The following SSRP1 variants were observed in gnomAD, a reference collection of about 807,000 sequenced individuals.
SSRP1 encodes structure specific recognition protein 1, also known as FACT complex subunit SSRP1.
Under a neutral mutation model 84.4 loss-of-function variants are expected in SSRP1, and 21 were observed. The ratio of observed to expected loss-of-function variants is 0.25; its 90% CI spans 0.18 to 0.36. The LOEUF (loss-of-function observed/expected upper bound fraction) is 0.36, where lower values mean the gene tolerates loss of function less well. Among genes scored for constraint, SSRP1 ranks in the 10% least tolerant of loss-of-function variants. The pLI, the probability that SSRP1 is intolerant of heterozygous loss-of-function variation, is 1.00. For synonymous variants in SSRP1, 319 were observed against 318.3 expected (o/e 1.00, Z -0.02); for missense variants, 519 against 900.8 (o/e 0.58, Z 5.43).
chr11:57,331,401 A>T (rs1856087243), intron 9 of SSRP1, among the ~76,000 whole-genome samples: 1 of 152,182 alleles, frequency 6.6e-6, no homozygotes, highest in Non-Finnish European at 1.5e-5. Flanking sequence ...GTGGAGGAGA[A>T]AAAAGACCAG....
chr11:57,330,054 G>A lies in SSRP1; in HGVS notation c.1481+39C>T. 1 of 1,613,012 alleles carries A rather than the reference G, an allele frequency of 6.2e-7. No homozygotes were observed. Among genetic ancestry groups the A allele is most frequent in the East Asian group, 2.2e-5 (1 of 44,874 alleles). On this transcript the variant is annotated intron_variant, in intron 12 of 16. Transcript: ENST00000278412. This position sits in a 1 kb window ranked among gnomAD's most constrained non-coding sequence, Gnocchi z 4.0. ...ATCTTCTGGTCCCTTAAGCTTATGG[G>A]TCACCATCTTATCCCCACAAGGTAC...
At chr11:57,331,191 G>A (rs746932365) in intron 9 of SSRP1, among the ~76,000 whole-genome samples, 1 of 152,198 alleles carries the variant, frequency 6.6e-6, no homozygotes, top group Non-Finnish European at 1.5e-5. Context: ...TACAAAATAA[G>A]CTCAGAGGGG....
In SSRP1 at chr11:57,332,056, C is replaced by T; in HGVS notation, c.1001+96G>A. 1.3e-6 allele frequency: 2 copies of T among 1,589,596 alleles called. No homozygotes were observed. The highest frequency in any genetic ancestry group is 1.7e-6 in the Non-Finnish European group (2 of 1,168,906). ...GTGACACAAGGTCCCATCCAGGCCT[C>T]TAGGAGGCCGCATTCCCATCTCAGG... is the stretch of plus-strand genomic sequence containing the variant. On this transcript the variant is annotated intron_variant, in intron 8 of 16. Coordinates refer to ENST00000278412, the MANE Select transcript of SSRP1 (RefSeq NM_003146.3). This position sits in a 1 kb window ranked among gnomAD's most constrained non-coding sequence, Gnocchi z 5.5.
rs528134038 is a variant in SSRP1 at position 57,335,860 on chromosome 11, C to T, written c.-250G>A. On this transcript the variant is annotated 5_prime_UTR_variant, in exon 1 of 17. Transcript: ENST00000278412. This position sits in a 1 kb window ranked among gnomAD's most constrained non-coding sequence, Gnocchi z 4.6. Reference sequence around the variant, plus strand: ...TTCCCGCGTGCGCGGCCCCGCGTCCCGCCACCGGAAGCCGTACACAGGCCA... The same window carrying T: ...TTCCCGCGTGCGCGGCCCCGCGTCCTGCCACCGGAAGCCGTACACAGGCCA... 12 of 152,372 alleles carry T rather than the reference C, an allele frequency of 7.9e-5. No individual in the cohort carries two copies. The highest frequency in any genetic ancestry group is 2.9e-4 in the African/African-American group (12 of 41,550). 9.4% of individuals were successfully genotyped at this position (152,372 alleles called of 1,614,324 possible).
chr11:57,332,483 TG>T lies in SSRP1; in HGVS notation c.771del (p.Ser258AlafsTer16), dbSNP rs1053252057. On this transcript the variant is annotated frameshift_variant and splice_region_variant, in exon 7 of 17. Coordinates refer to ENST00000278412, the MANE Select transcript of SSRP1 (RefSeq NM_003146.3). LOFTEE classifies it high-confidence loss of function. The surrounding 1 kb of genome is among the most constrained non-coding windows in gnomAD (Gnocchi z 5.5). ...CCTTGCTTGATTGGGGGATCCAGGC[TG>T]ATCTAGTAAGGAAGAGTACTAATTG... Reference protein sequence around the residue: ...HKDQRQMFFVISLDPPIKQGQ... With the variant: ...HKDQRQMFFVXSLDPPIKQGQ... The T allele has an allele frequency of 6.2e-7, 1 of 1,613,912 alleles. No individual in the cohort carries two copies. Among genetic ancestry groups the T allele is most frequent in the Non-Finnish European group, 8.5e-7 (1 of 1,179,980 alleles).
At chr11:57,327,099 A>G (rs576898604) in intron 15 of SSRP1, 256 of 942,376 alleles carry the variant, frequency 2.7e-4, no homozygotes, top group Admixed American at 1.8e-3. Context: ...AAGCAGCCCA[A>G]TGTGCAAAAC....
chr11:57,335,496 C>A lies in SSRP1; in HGVS notation c.-120+234G>T. 1 of 312,196 alleles carries A rather than the reference C, an allele frequency of 3.2e-6. No individual in the cohort carries two copies. The highest frequency in any genetic ancestry group is 6.3e-6 in the Non-Finnish European group (1 of 157,702). 19.3% of individuals were successfully genotyped at this position (312,196 alleles called of 1,614,324 possible). ...GGAGCCATGGCAACGAGCAGCGGAACCCCAGGGTCTGCCAGGAGCCCGCAC... is the reference window on the plus strand; with the variant it reads ...GGAGCCATGGCAACGAGCAGCGGAAACCCAGGGTCTGCCAGGAGCCCGCAC... On this transcript the variant is annotated intron_variant, in intron 1 of 16. Transcript: ENST00000278412. The surrounding 1 kb of genome is among the most constrained non-coding windows in gnomAD (Gnocchi z 4.6).
Position 57,335,228 on chromosome 11 carries a change from G to T in SSRP1, c.-107C>A. 1 of 1,142,468 alleles carries T rather than the reference G, an allele frequency of 8.8e-7. No individual in the cohort carries two copies. The allele number at this position is 1,142,468 out of a possible 1,614,324, so 70.8% of individuals were successfully genotyped here. On this transcript the variant is annotated 5_prime_UTR_variant, in exon 2 of 17. It adds an upstream start codon to the 5' untranslated region. Coordinates refer to ENST00000278412, the MANE Select transcript of SSRP1 (RefSeq NM_003146.3). The surrounding 1 kb of genome is among the most constrained non-coding windows in gnomAD (Gnocchi z 4.6). ...TCCTGAGTGGGTGTGCGGATGCTCAGCAGGTTGGGAATCTGAATTCAAGAG... is the reference window on the plus strand; with the variant it reads ...TCCTGAGTGGGTGTGCGGATGCTCATCAGGTTGGGAATCTGAATTCAAGAG...
chr11:57,333,489 T>A lies in SSRP1; in HGVS notation c.292A>T (p.Met98Leu). The change falls in exon 4 of 17, where the codon ATG becomes TTG. Residue 98 changes from methionine (M) to leucine (L), a missense_variant. Met to Leu is a conservative substitution (Grantham distance 15). Coordinates refer to ENST00000278412, the MANE Select transcript of SSRP1 (RefSeq NM_003146.3). ...CCCTTCACACAAAGGTCCTTCTCCA[T>A]TAGCTCAAGGCGATAGTGAGTTTTG... is the stretch of plus-strand genomic sequence containing the variant. ...FFKTHYRLEL[M>L]EKDLCVKGWN... 6.2e-7 allele frequency: 1 copy of A among 1,614,018 alleles called. No homozygotes were observed. Among genetic ancestry groups the A allele is most frequent in the Non-Finnish European group, 8.5e-7 (1 of 1,180,028 alleles).
In SSRP1 at chr11:57,330,252, G is replaced by A. The variant is rs775103926; in HGVS notation, c.1435+39C>T. ...TCCAGCCCGGGCCACAGCGAGGAGC[G>A]TCTGACCATCCTCGTGCTCAGCACG... is the stretch of plus-strand genomic sequence containing the variant. On this transcript the variant is annotated intron_variant, in intron 11 of 16. Coordinates refer to ENST00000278412, the MANE Select transcript of SSRP1 (RefSeq NM_003146.3). The surrounding 1 kb of genome is among the most constrained non-coding windows in gnomAD (Gnocchi z 4.0). 9.9e-6 allele frequency: 16 copies of A among 1,614,030 alleles called. No individual in the cohort carries two copies. The highest frequency in any genetic ancestry group is 1.6e-4 in the Middle Eastern group (1 of 6,084).
At chr11:57,333,578 C>T (rs1856141550) in intron 3 of SSRP1, 38 bp from the exon 4 acceptor site, 3 of 1,490,968 alleles carry the variant, frequency 2.0e-6, no homozygotes, top group African/African-American at 2.8e-5. Flanking sequence ...CCCAGTAAAC[C>T]TTGGTGGCCT....
rs747926763 is a variant in SSRP1 at position 57,327,529 on chromosome 11, G to GA, written c.1783-16dup. The GA allele has an allele frequency of 6.8e-6, 11 of 1,613,046 alleles. No homozygotes were observed. Among genetic ancestry groups the GA allele is most frequent in the Admixed American group, 3.3e-5 (2 of 59,816 alleles). Reference sequence around the variant, plus strand: ...CGATCCCACTCCTGTCTCACACACAGAAAAAAACAGTTAAGAATAAGACCT... The same window carrying GA: ...CGATCCCACTCCTGTCTCACACACAGAAAAAAAACAGTTAAGAATAAGACCT... On this transcript the variant is annotated splice_polypyrimidine_tract_variant and intron_variant, in intron 14 of 16. Transcript: ENST00000278412.
At chr11:57,331,461 G>GT (rs1393685268) in intron 9 of SSRP1, among the ~76,000 whole-genome samples, 4 of 151,958 alleles carry the variant, frequency 2.6e-5, no homozygotes, top group Non-Finnish European at 2.9e-5. Context: ...TTTTTGTTTT[G>GT]TTTTGTTTTG....
chr11:57,335,209 G>A lies in SSRP1; in HGVS notation c.-88C>T, dbSNP rs1856187174. On this transcript the variant is annotated 5_prime_UTR_variant, in exon 2 of 17. Coordinates refer to ENST00000278412, the MANE Select transcript of SSRP1 (RefSeq NM_003146.3). The surrounding 1 kb of genome is among the most constrained non-coding windows in gnomAD (Gnocchi z 4.6). ...CTGGGAGCTGGGCCCCAACTCCTGA[G>A]TGGGTGTGCGGATGCTCAGCAGGTT... The A allele has an allele frequency of 3.7e-6, 5 of 1,367,864 alleles. No homozygotes were observed. Among genetic ancestry groups the A allele is most frequent in the East Asian group, 2.3e-5 (1 of 43,612 alleles). 84.7% of individuals were successfully genotyped at this position (1,367,864 alleles called of 1,614,324 possible).
At chr11:57,331,011 G>A (rs1856079283) in intron 9 of SSRP1, 84 bp from the exon 10 acceptor site, 7 of 1,490,820 alleles carry the variant, frequency 4.7e-6, no homozygotes, top group Non-Finnish European at 6.5e-6. Context: ...CCATGAGCTG[G>A]GGTAGACTGT....
rs1364290374 is a variant in SSRP1, at chr11:57,335,288, G to A, written c.-119-48C>T. The A allele has an allele frequency of 4.3e-6, 3 of 701,300 alleles. No homozygotes were observed. The highest frequency in any genetic ancestry group is 5.1e-6 in the Non-Finnish European group (2 of 394,052). The allele number at this position is 701,300 out of a possible 1,614,324, so 43.4% of individuals were successfully genotyped here. On this transcript the variant is annotated intron_variant, in intron 1 of 16. Coordinates refer to ENST00000278412, the MANE Select transcript of SSRP1 (RefSeq NM_003146.3). This position sits in a 1 kb window ranked among gnomAD's most constrained non-coding sequence, Gnocchi z 4.6. ...TAAGCATGAAAGACAGCACCTCGCTGTGCTCACGGATGGAGCCAGGTAGCA... is the reference window on the plus strand; with the variant it reads ...TAAGCATGAAAGACAGCACCTCGCTATGCTCACGGATGGAGCCAGGTAGCA...
chr11:57,335,309 T>TAGC lies in SSRP1; in HGVS notation c.-119-72_-119-70dup, dbSNP rs1856190200. On this transcript the variant is annotated intron_variant, in intron 1 of 16. Transcript: ENST00000278412. The surrounding 1 kb of genome is among the most constrained non-coding windows in gnomAD (Gnocchi z 4.6). Reference sequence around the variant, plus strand: ...CGCTGTGCTCACGGATGGAGCCAGGTAGCAACTCCCAGCTGCGCCTGGATG... The same window carrying TAGC: ...CGCTGTGCTCACGGATGGAGCCAGGTAGCAGCAACTCCCAGCTGCGCCTGGATG... 4.8e-6 allele frequency: 3 copies of TAGC among 623,682 alleles called. No individual in the cohort carries two copies. The highest frequency in any genetic ancestry group is 8.7e-6 in the Non-Finnish European group (3 of 345,770). 38.6% of individuals were successfully genotyped at this position (623,682 alleles called of 1,614,324 possible).
intron 12 of SSRP1, 183 bp from the exon 13 acceptor site, chr11:57,328,609 ATGCCCTCTCCAGACCCAG>A: frequency 1.2e-6 from 1 of 811,062 alleles, no homozygotes; most frequent in Non-Finnish European, 1.9e-6. Flanking sequence ...GGCTTCAGCC[ATGCCCTCTCCAGACCCAG>A]CCACAGCAAT....
In SSRP1 at chr11:57,330,509, C is replaced by T. The variant is rs906676347; in HGVS notation, c.1297-80G>A. On this transcript the variant is annotated intron_variant, in intron 10 of 16. Transcript: ENST00000278412. This position sits in a 1 kb window ranked among gnomAD's most constrained non-coding sequence, Gnocchi z 4.0. ...GCACACTCAAAAGCACACCCCCATG[C>T]CTGTCAAGTCAGAGCAGCAGCTCCC... is the stretch of plus-strand genomic sequence containing the variant. The T allele has an allele frequency of 3.4e-5, 54 of 1,574,488 alleles. No individual in the cohort carries two copies. Among genetic ancestry groups the T allele is most frequent in the Non-Finnish European group, 4.4e-5 (51 of 1,162,704 alleles).
Sources: allele counts gnomAD v4.1 joint callset (sites outside exome capture counted in the v4.1 genomes callset), GRCh38; gene constraint gnomAD v4.1.1; non-coding constraint Gnocchi (gnomAD v3.1); transcripts MANE v1.5; gene names NCBI Gene and HGNC (gene_info 2026-07-23, HGNC 2026-07-21).